NAV3: variants seen among roughly 807,000 people sequenced by gnomAD.
NAV3 encodes the protein pore membrane and/or filament interacting like protein 1.
In NAV3, 87 loss-of-function variants were observed where a neutral mutation model predicts 244.7. The observed-to-expected ratio is 0.36, with a 90% CI of 0.30 to 0.42. NAV3 has a LOEUF of 0.42. NAV3 is among the 20% of genes least tolerant of loss of function. The pLI is 1.00. For missense variants in NAV3, 2,663 were observed against 2,893.3 expected (o/e 0.92, Z 1.83); for synonymous variants, 1,126 against 1,042.2 (o/e 1.08, Z -1.55).
At chr12:78,042,838 A>T (rs1881108070) in intron 9 of NAV3, among the ~76,000 whole-genome samples, 1 of 152,170 alleles carries the variant, frequency 6.6e-6, no homozygotes, top group African/African-American at 2.4e-5. Flanking sequence ...TATTCCCCAG[A>T]TTCCAAATGT....
intron 12 of NAV3, among the ~76,000 whole-genome samples, chr12:78,113,615 G>A (rs916499620): frequency 4.6e-5 from 7 of 152,140 alleles, no homozygotes; most frequent in African/African-American, 1.7e-4. Flanking sequence ...AAGTCCCTAT[G>A]GTGCATACAG....
intron 8 of NAV3, among the ~76,000 whole-genome samples, chr12:78,008,230 T>A (rs1383161525): frequency 2.0e-5 from 3 of 152,170 alleles, no homozygotes; most frequent in Admixed American, 6.5e-5. Flanking sequence ...GTTTTTTTTT[T>A]ACCTTTTATT....
At chr12:77,806,319 C>T (rs1016731214) in intron 2 of NAV3, among the ~76,000 whole-genome samples, 1 of 152,180 alleles carries the variant, frequency 6.6e-6, no homozygotes, top group Non-Finnish European at 1.5e-5. Flanking sequence ...ATAAATTCCC[C>T]TCTAAACACT....
intron 2 of NAV3, among the ~76,000 whole-genome samples, chr12:77,767,957 G>T (rs1217710615): frequency 6.6e-6 from 1 of 152,210 alleles, no homozygotes; most frequent in Non-Finnish European, 1.5e-5. Context: ...GCAGACAACT[G>T]GAGGGTGAGC....
intron 2 of NAV3, among the ~76,000 whole-genome samples, chr12:77,788,409 A>C (rs1871007847): frequency 6.6e-6 from 1 of 152,166 alleles, no homozygotes; most frequent in Admixed American, 6.5e-5. Flanking sequence ...CGCTGGGACA[A>C]CAATCCTGTG....
At chr12:77,913,519 C>T (rs1004366258) in intron 1 of NAV3, among the ~76,000 whole-genome samples, 1 of 151,916 alleles carries the variant, frequency 6.6e-6, no homozygotes, top group African/African-American at 2.4e-5. Context: ...TGCAACCTCC[C>T]GTACTAGGCA....
At chr12:77,837,688 G>A (rs562681165) in intron 1 of NAV3, among the ~76,000 whole-genome samples, 6 of 152,084 alleles carry the variant, frequency 3.9e-5, no homozygotes, top group South Asian at 2.1e-4. Flanking sequence ...TACTTCTTTC[G>A]GGGTTAGGGA....
Position 77,763,990 on chromosome 12 carries a change from C to G in NAV3, c.73-176329C>G, listed in dbSNP as rs544994698. On this transcript the variant is annotated intron_variant, in intron 2 of 8. Coordinates refer to the NAV3 transcript ENST00000550042. ...GAGGCCTGGGATCCAGGAGAGGGGC[C>G]TCGTTTTCCTGGTTGTGAAGGGGAC... Among the ~76,000 whole-genome samples the G allele has an allele frequency of 3.8e-3, 580 of 152,312 alleles. 2 individuals are homozygous for G. Among genetic ancestry groups the G allele is most frequent in the African/African-American group, 0.013 (555 of 41,580 alleles).
intron 5 of NAV3, among the ~76,000 whole-genome samples, chr12:77,970,803 G>A (rs1174553759): frequency 2.0e-5 from 3 of 152,070 alleles, no homozygotes; most frequent in South Asian, 4.1e-4. Context: ...TTGCAACAAA[G>A]AGATGGATTC....
intron 2 of NAV3, among the ~76,000 whole-genome samples, chr12:77,666,704 A>T (rs1273027828): frequency 6.6e-6 from 1 of 152,170 alleles, no homozygotes; most frequent in African/African-American, 2.4e-5. Context: ...TTAGCATTTT[A>T]TTTAATCTAG....
At chr12:77,699,203 ACT>A (rs2137195091) in intron 2 of NAV3, among the ~76,000 whole-genome samples, 1 of 152,234 alleles carries the variant, frequency 6.6e-6, no homozygotes, top group South Asian at 2.1e-4. Flanking sequence ...TAGGGAGATA[ACT>A]AACAGGGTTG....
intron 1 of NAV3, among the ~76,000 whole-genome samples, chr12:77,926,471 C>G (rs945696336): frequency 6.6e-6 from 1 of 150,512 alleles, no homozygotes; most frequent in Non-Finnish European, 1.5e-5. Flanking sequence ...TAGATAGATA[C>G]ATACATACAT....
intron 11 of NAV3, among the ~76,000 whole-genome samples, chr12:78,054,335 G>A (rs1340303827): frequency 6.6e-6 from 1 of 152,126 alleles, no homozygotes; most frequent in Non-Finnish European, 1.5e-5. Context: ...GAGAGTCATG[G>A]AACATGAATA....
intron 2 of NAV3, among the ~76,000 whole-genome samples, chr12:77,775,430 C>A (rs563992617): frequency 6.6e-6 from 1 of 150,948 alleles, no homozygotes; most frequent in African/African-American, 2.4e-5. Context: ...CATTTTTTGG[C>A]TCTTTAAGCT....
At chr12:77,827,559 G>T (rs965358446), upstream of NAV3, among the ~76,000 whole-genome samples, 1 of 152,078 alleles carries the variant, frequency 6.6e-6, no homozygotes, top group South Asian at 2.1e-4. Flanking sequence ...GGAATAAAAT[G>T]ACAACCAATT....
chr12:77,904,648 T>TA (rs201571912), intron 1 of NAV3, among the ~76,000 whole-genome samples: 3,302 of 152,030 alleles, frequency 0.022, 69 homozygotes, highest in Non-Finnish European at 0.032. Flanking sequence ...TATAATTTTT[T>TA]AAAAAAAAGA....
chr12:77,757,279 C>T (rs939903153), intron 2 of NAV3, among the ~76,000 whole-genome samples: 1 of 152,116 alleles, frequency 6.6e-6, no homozygotes, highest in Non-Finnish European at 1.5e-5. Context: ...AAGTTAGTCA[C>T]ATAGTCAAGC....
At chr12:78,167,980 G>A (rs1957848745) in intron 23 of NAV3, among the ~76,000 whole-genome samples, 1 of 149,926 alleles carries the variant, frequency 6.7e-6, no homozygotes, top group Non-Finnish European at 1.5e-5. Context: ...ATTTTTATTG[G>A]GACATCTTAA....
At chr12:77,893,614 G>C (rs1014831764) in intron 1 of NAV3, among the ~76,000 whole-genome samples, 2 of 151,892 alleles carry the variant, frequency 1.3e-5, no homozygotes, top group African/African-American at 4.8e-5. Context: ...AACTTGGGGG[G>C]ATTGTAATTG....
Sources: allele counts gnomAD v4.1 joint callset (sites outside exome capture counted in the v4.1 genomes callset), GRCh38; gene constraint gnomAD v4.1.1; transcripts MANE v1.5; gene names NCBI Gene and HGNC (gene_info 2026-07-23, HGNC 2026-07-21).